GRIN2A: variants seen among roughly 807,000 people sequenced by gnomAD.
GRIN2A encodes the protein glutamate receptor ionotropic, NMDA 2A.
Under a neutral mutation model 113.4 loss-of-function variants are expected in GRIN2A, and 22 were observed. The ratio of observed to expected loss-of-function variants is 0.19; its 90% CI spans 0.14 to 0.28. The LOEUF (loss-of-function observed/expected upper bound fraction) is 0.28. Ranked by LOEUF, GRIN2A falls within the 10% of genes least tolerant of loss-of-function variation. The pLI is 1.00. For synonymous variants in GRIN2A, 827 were observed against 738.4 expected, an observed-to-expected ratio of 1.12 and a Z score of -1.94; for missense variants, 1,502 against 1,887.0, an observed-to-expected ratio of 0.80 and a Z score of 3.78.
intron 2 of GRIN2A, among the ~76,000 whole-genome samples, chr16:9,961,446 C>T (rs2045441045): frequency 6.6e-6 from 1 of 152,126 alleles, no homozygotes; most frequent in Admixed American, 6.5e-5. Flanking sequence ...AAAACAAAGG[C>T]ATGCTATACA....
At chr16:10,172,879 C>A (rs988304796) in intron 2 of GRIN2A, among the ~76,000 whole-genome samples, 6 of 152,224 alleles carry the variant, frequency 3.9e-5, no homozygotes, top group Non-Finnish European at 8.8e-5. Context: ...AGGCTACCAA[C>A]TCTCTATTAC....
intron 7 of GRIN2A, among the ~76,000 whole-genome samples, chr16:9,840,279 G>T (rs1296957360): frequency 6.6e-6 from 1 of 152,062 alleles, no homozygotes; most frequent in East Asian, 1.9e-4. Flanking sequence ...TGAAGCGAAG[G>T]GGGAAGAGCC....
chr16:10,019,345 G>C (rs921239931), intron 2 of GRIN2A, among the ~76,000 whole-genome samples: 2 of 152,158 alleles, frequency 1.3e-5, no homozygotes, highest in Admixed American at 6.5e-5. Flanking sequence ...GTAAAAATTA[G>C]AATTAGATTA....
intron 4 of GRIN2A, among the ~76,000 whole-genome samples, chr16:9,859,609 T>TAC (rs55697606): frequency 0.081 from 11,463 of 141,154 alleles, 641 homozygotes; most frequent in Admixed American, 0.2. Context: ...CTCGAACCTC[T>TAC]ACACACACAC....
At chr16:10,034,758 T>C (rs960973076) in intron 2 of GRIN2A, among the ~76,000 whole-genome samples, 6 of 152,222 alleles carry the variant, frequency 3.9e-5, no homozygotes, top group African/African-American at 1.2e-4. Context: ...TCTCCTGACA[T>C]TGGTGTGACC....
At chr16:9,978,958 C>A (rs1384938793) in intron 2 of GRIN2A, among the ~76,000 whole-genome samples, 1 of 152,230 alleles carries the variant, frequency 6.6e-6, no homozygotes, top group Non-Finnish European at 1.5e-5. Context: ...GTAGTGCCCA[C>A]ATTTCCGACT....
intron 2 of GRIN2A, among the ~76,000 whole-genome samples, chr16:10,144,967 G>A (rs1250073247): frequency 7.5e-6 from 1 of 133,244 alleles, no homozygotes; most frequent in Non-Finnish European, 1.6e-5. Flanking sequence ...AAGAAAATGT[G>A]ACATATTTAT....
At chr16:10,112,133 C>A in intron 2 of GRIN2A, 1 of 595,052 alleles carries the variant, frequency 1.7e-6, no homozygotes, top group Non-Finnish European at 3.1e-6. Flanking sequence ...CTGTGGGCAC[C>A]CATGAGGATG....
chr16:9,990,553 G>A (rs1216601770), intron 2 of GRIN2A, among the ~76,000 whole-genome samples: 1,139 of 104,144 alleles, frequency 0.011, 21 homozygotes, highest in African/African-American at 0.034. Context: ...ACACGCGCGC[G>A]CGCGCGCGCG....
At chr16:10,181,106 C>T (rs1239007060) in intron 1 of GRIN2A, among the ~76,000 whole-genome samples, 1 of 152,200 alleles carries the variant, frequency 6.6e-6, no homozygotes, top group African/African-American at 2.4e-5. Context: ...GCCCAGGCTC[C>T]GCTGTGCCTG....
At chr16:9,930,684 G>T (rs768541638) in intron 3 of GRIN2A, among the ~76,000 whole-genome samples, 1 of 152,118 alleles carries the variant, frequency 6.6e-6, no homozygotes, top group Non-Finnish European at 1.5e-5. Flanking sequence ...TTTTAACTCT[G>T]GTCAAGCTCA....
At chr16:10,075,473 T>C (rs183554041) in intron 2 of GRIN2A, among the ~76,000 whole-genome samples, 1 of 152,194 alleles carries the variant, frequency 6.6e-6, no homozygotes, top group Admixed American at 6.5e-5. Context: ...TGCAAGTAAG[T>C]ACAGAGACTC....
At chr16:10,024,830 T>A (rs2046790587) in intron 2 of GRIN2A, among the ~76,000 whole-genome samples, 1 of 152,218 alleles carries the variant, frequency 6.6e-6, no homozygotes, top group East Asian at 1.9e-4. Flanking sequence ...TTGGATGGCA[T>A]GAGAGACCAC....
chr16:9,951,471 G>C (rs1424977442), intron 2 of GRIN2A, among the ~76,000 whole-genome samples: 1 of 152,198 alleles, frequency 6.6e-6, no homozygotes, highest in South Asian at 2.1e-4. Flanking sequence ...TGTGCGCACA[G>C]GCGTGCATGT....
intron 2 of GRIN2A, among the ~76,000 whole-genome samples, chr16:10,175,659 G>A (rs1450014175): frequency 6.6e-5 from 10 of 152,084 alleles, no homozygotes; most frequent in East Asian, 1.9e-4. Flanking sequence ...GCCCTCAAAC[G>A]ACTTACACTC....
intron 2 of GRIN2A, among the ~76,000 whole-genome samples, chr16:10,002,825 A>C (rs2046343431): frequency 2.6e-5 from 4 of 152,166 alleles, no homozygotes; most frequent in Non-Finnish European, 5.9e-5. Flanking sequence ...ATGCACATTT[A>C]AGATTTTGTG....
intron 3 of GRIN2A, among the ~76,000 whole-genome samples, chr16:9,900,388 C>T (rs1048866375): frequency 6.6e-6 from 1 of 152,204 alleles, no homozygotes; most frequent in Non-Finnish European, 1.5e-5. Flanking sequence ...GCATCCAACT[C>T]TATTCAGGGA....
At position 9,759,129 on chromosome 16, in the gene GRIN2A, C is replaced by T. The variant is rs1250200808; in HGVS notation, c.*4020G>A. 1 of 217,516 alleles carries T rather than the reference C, an allele frequency of 4.6e-6. No individual in the cohort carries two copies. Among genetic ancestry groups the T allele is most frequent in the Non-Finnish European group, 9.2e-6 (1 of 108,382 alleles). The allele number at this position is 217,516 out of a possible 1,614,324, so 13.5% of individuals were successfully genotyped here. On this transcript the variant is annotated 3_prime_UTR_variant, in exon 13 of 13. Coordinates refer to ENST00000330684, the MANE Select transcript of GRIN2A (RefSeq NM_001134407.3). ...TGTGCATAATGTTAACGAATATATC[C>T]AGCTCCTCTGTAAGGTATTTAGAGT...
At chr16:10,045,815 G>A (rs2047247920) in intron 2 of GRIN2A, among the ~76,000 whole-genome samples, 2 of 152,194 alleles carry the variant, frequency 1.3e-5, no homozygotes. Context: ...TTGTTCAAGT[G>A]CTTACTTGCC....
Sources: gnomAD v4.1 joint callset for allele counts (sites outside exome capture counted in the v4.1 genomes callset) on GRCh38, gnomAD v4.1.1 for gene constraint, MANE v1.5 for transcripts, NCBI Gene and HGNC (gene_info 2026-07-23, HGNC 2026-07-21) for gene names.